CAMKMT: variants seen among roughly 807,000 people sequenced by gnomAD.
CAMKMT encodes calmodulin-lysine N-methyltransferase, also known as CaM KMT.
Under a neutral mutation model 48.0 loss-of-function variants are expected in CAMKMT, and 53 were observed. That is an observed-to-expected ratio of 1.10 (90% CI 0.89 to 1.39). The LOEUF is 1.39. Ranked by LOEUF, CAMKMT falls within the 40% of genes most tolerant of loss-of-function variation. The probability of loss-of-function intolerance (pLI) is 0.00; values close to 1 mark genes in which losing one functional copy is unlikely to be tolerated. For missense variants in CAMKMT, 428 were observed against 402.7 expected, an observed-to-expected ratio of 1.06 and a Z score of -0.54; for synonymous variants, 165 against 152.3, an observed-to-expected ratio of 1.08 and a Z score of -0.61.
Position 44,715,298 on chromosome 2 carries a change from A to G in CAMKMT, c.568A>G (p.Ile190Val), listed in dbSNP as rs751164665. ...ACTGTGTCCTGTAGATGTGCAAGAC[A>G]TCATCACAAGGAATCAGAAGGCTGG... ...NEKAIRNVQD[I>V]ITRNQKAGVF... Residue 190 changes from isoleucine to valine, a missense_variant, in exon 7 of 11, where the codon ATC (isoleucine) becomes GTC (valine). By Grantham distance (29) the Ile-to-Val change is conservative. Transcript: ENST00000378494. 2 of 1,612,984 alleles carry G rather than the reference A, an allele frequency of 1.2e-6. No homozygotes were observed. The highest frequency in any genetic ancestry group is 2.2e-5 in the South Asian group (2 of 91,034).
chr2:44,396,294 C>CA (rs11448970), intron 3 of CAMKMT, among the ~76,000 whole-genome samples: 113,149 of 151,908 alleles, frequency 0.74, 43,134 homozygotes, highest in African/African-American at 0.87. Flanking sequence ...ATTCAAAAAG[C>CA]GCATCAAAAA....
intron 3 of CAMKMT, among the ~76,000 whole-genome samples, chr2:44,612,373 C>T (rs990315565): frequency 2.6e-5 from 4 of 152,152 alleles, no homozygotes; most frequent in Admixed American, 2.0e-4. Flanking sequence ...AAGATAGCAT[C>T]ACACTCATCA....
chr2:44,683,546 C>T (rs1676139671), intron 3 of CAMKMT, among the ~76,000 whole-genome samples: 1 of 152,222 alleles, frequency 6.6e-6, no homozygotes, highest in Admixed American at 6.5e-5. Flanking sequence ...CGAGGCAGGG[C>T]GCGGTGGCTC....
At chr2:44,674,984 T>C (rs1033046503) in intron 3 of CAMKMT, among the ~76,000 whole-genome samples, 23 of 152,178 alleles carry the variant, frequency 1.5e-4, no homozygotes, top group African/African-American at 5.5e-4. Flanking sequence ...CTCCCTGTGG[T>C]CTTGATCCTT....
rs183410432 is a variant in CAMKMT, at chr2:44,772,000, G to C, written c.895-36G>C. The C allele has an allele frequency of 1.4e-4, 196 of 1,421,402 alleles. 1 individual carries two copies. The African/African-American group carries it at 2.6e-3, about 19-fold the overall frequency. 88.0% of individuals were successfully genotyped at this position (1,421,402 alleles called of 1,614,324 possible). On this transcript the variant is annotated intron_variant, in intron 10 of 10. Transcript: ENST00000378494. ...TGACTGGTAAAGATCCCTAATTGGA[G>C]TCCCCTTACCTTTTTCTTTCTATTA...
chr2:44,379,170 G>A (rs895529664), intron 2 of CAMKMT, among the ~76,000 whole-genome samples: 1 of 152,112 alleles, frequency 6.6e-6, no homozygotes, highest in Admixed American at 6.5e-5. Context: ...CCTACAATAT[G>A]TGGCCCTGTA....
intron 9 of CAMKMT, among the ~76,000 whole-genome samples, chr2:44,754,658 G>A (rs1180267365): frequency 6.6e-6 from 1 of 152,104 alleles, no homozygotes; most frequent in East Asian, 1.9e-4. Context: ...TCACAATGAA[G>A]CCAAGCATGG....
intron 7 of CAMKMT, among the ~76,000 whole-genome samples, chr2:44,740,191 A>G (rs934348624): frequency 1.9e-4 from 27 of 144,090 alleles, no homozygotes; most frequent in African/African-American, 7.0e-4. Context: ...TGCAGTGGCT[A>G]GATCATGGCT....
At chr2:44,583,981 CAT>C (rs1669712587) in intron 3 of CAMKMT, among the ~76,000 whole-genome samples, 1 of 152,198 alleles carries the variant, frequency 6.6e-6, no homozygotes, top group Non-Finnish European at 1.5e-5. Context: ...CATACCCACA[CAT>C]CCCCTCATTC....
At chr2:44,557,397 A>T (rs1381767485) in intron 3 of CAMKMT, among the ~76,000 whole-genome samples, 1 of 152,170 alleles carries the variant, frequency 6.6e-6, no homozygotes, top group Non-Finnish European at 1.5e-5. Context: ...TTAAGAAGGT[A>T]GTTAATTTTA....
chr2:44,651,872 GAA>G (rs937490885), intron 3 of CAMKMT, among the ~76,000 whole-genome samples: 6 of 151,894 alleles, frequency 4.0e-5, no homozygotes, highest in Non-Finnish European at 8.8e-5. Context: ...AGCTTTCTGG[GAA>G]AAAAAATAAT....
chr2:44,578,021 G>GT (rs1471761020), intron 3 of CAMKMT, among the ~76,000 whole-genome samples: 9 of 152,118 alleles, frequency 5.9e-5, no homozygotes, highest in Non-Finnish European at 1.3e-4. Context: ...CTCTTGTGAA[G>GT]ATCCCCATGT....
At chr2:44,444,713 A>G (rs1014480074) in intron 3 of CAMKMT, among the ~76,000 whole-genome samples, 2 of 152,186 alleles carry the variant, frequency 1.3e-5, no homozygotes, top group African/African-American at 4.8e-5. Flanking sequence ...CTGCCAGGTG[A>G]TGGGAATAAA....
chr2:44,381,013 A>G (rs1156407694), intron 2 of CAMKMT, among the ~76,000 whole-genome samples: 1 of 152,062 alleles, frequency 6.6e-6, no homozygotes, highest in Non-Finnish European at 1.5e-5. Flanking sequence ...TACAAAAATT[A>G]GCCGGGAGTG....
chr2:44,689,968 A>G (rs997628476), intron 3 of CAMKMT, among the ~76,000 whole-genome samples: 10 of 152,234 alleles, frequency 6.6e-5, no homozygotes, highest in Admixed American at 3.3e-4. Context: ...AATATGCTTG[A>G]TTAACTAAAT....
chr2:44,495,792 A>G (rs968535805), intron 3 of CAMKMT, among the ~76,000 whole-genome samples: 5 of 152,314 alleles, frequency 3.3e-5, no homozygotes, highest in Admixed American at 2.0e-4. Context: ...CTTGTTCCAC[A>G]TTATGAGCCC....
intron 3 of CAMKMT, among the ~76,000 whole-genome samples, chr2:44,652,286 A>G (rs75986085): frequency 2.1e-3 from 320 of 152,304 alleles, no homozygotes; most frequent in African/African-American, 7.2e-3. Context: ...GTGTTCTTAT[A>G]AAGAGGACTT....
chr2:44,644,343 A>G (rs1271343327), intron 3 of CAMKMT, among the ~76,000 whole-genome samples: 6 of 152,236 alleles, frequency 3.9e-5, no homozygotes, highest in Non-Finnish European at 8.8e-5. Context: ...CCCTTCAAGA[A>G]GTAAGTCTAT....
chr2:44,514,301 A>G (rs1670726136), intron 3 of CAMKMT, among the ~76,000 whole-genome samples: 1 of 151,900 alleles, frequency 6.6e-6, no homozygotes, highest in Non-Finnish European at 1.5e-5. Flanking sequence ...TGATGTAGGA[A>G]AAATAACTTC....
Sources: gnomAD v4.1 joint callset for allele counts (sites outside exome capture counted in the v4.1 genomes callset) on GRCh38, gnomAD v4.1.1 for gene constraint, MANE v1.5 for transcripts, NCBI Gene and HGNC (gene_info 2026-07-23, HGNC 2026-07-21) for gene names.